Variants in MICU1 observed in about 807,000 individuals in gnomAD.
The protein encoded by MICU1 is calcium uptake protein 1, mitochondrial.
In MICU1, 45 loss-of-function variants were observed where a neutral mutation model predicts 56.8. The ratio of observed to expected loss-of-function variants is 0.79; its 90% CI spans 0.62 to 1.02. MICU1 has a LOEUF of 1.02. MICU1 is among the 50% of genes least tolerant of loss of function. MICU1 has a pLI of 0.00. For missense variants in MICU1, 504 were observed against 587.1 expected (o/e 0.86, Z 1.46); for synonymous variants, 186 against 195.1 (o/e 0.95, Z 0.39).
chr10:72,578,535 G>T (rs1305351578), intron 1 of MICU1, among the ~76,000 whole-genome samples: 18 of 151,722 alleles, frequency 1.2e-4, no homozygotes, highest in African/African-American at 4.4e-4. Flanking sequence ...AAAGTACTGA[G>T]ATTACAGGTG....
At chr10:72,456,242 G>T (rs1026286427) in intron 8 of MICU1, among the ~76,000 whole-genome samples, 20 of 152,198 alleles carry the variant, frequency 1.3e-4, no homozygotes, top group Non-Finnish European at 2.5e-4. Flanking sequence ...CAGCCCTCCT[G>T]AGGCTAATCC....
At position 72,475,240 on chromosome 10, in the gene MICU1, T is replaced by C. The variant is rs776277372; in HGVS notation, c.793A>G (p.Thr265Ala). ...CCAGACTTGAGGGTGTTGCCAGTAG[T>C]TGGACGATCTCTGTGGCGCATACCC... Reference protein sequence around the residue: ...SMGMRHRDRPTTGNTLKSGLC... With the variant: ...SMGMRHRDRPATGNTLKSGLC... Residue 265 changes from threonine to alanine, a missense_variant, in exon 8 of 12, where the codon ACT becomes GCT. Coordinates refer to ENST00000361114, the MANE Select transcript of MICU1 (RefSeq NM_001195518.2). 12 of 1,610,230 alleles carry C rather than the reference T, an allele frequency of 7.5e-6. No individual in the cohort carries two copies. In the Admixed American group the frequency reaches 1.5e-4, roughly 20 times the overall value.
chr10:72,475,824 AAGTAGCAGAATTAGGGT>A (rs1866101326), intron 7 of MICU1: 1 of 456,572 alleles, frequency 2.2e-6, no homozygotes, highest in Non-Finnish European at 4.4e-6. Flanking sequence ...AGTGGCTGGT[AAGTAGCAGAATTAGGGT>A]TCTAACACAG....
chr10:72,378,065 C>T (rs1862582386), intron 10 of MICU1, among the ~76,000 whole-genome samples: 1 of 152,102 alleles, frequency 6.6e-6, no homozygotes, highest in Admixed American at 6.6e-5. Flanking sequence ...GCCTGGCCAA[C>T]ATGGTGAAAC....
chr10:72,590,469 C>T (rs1292748837), intron 1 of MICU1, among the ~76,000 whole-genome samples: 3 of 151,984 alleles, frequency 2.0e-5, no homozygotes, highest in Admixed American at 6.6e-5. Context: ...AGACTGCAAA[C>T]CTTGCTCTCG....
rs1865605428 is a variant in MICU1, at chr10:72,460,363, C to T, written c.933+14737G>A. ...CAGCTCTCTCTCTCTCTCCCACTCTCTCATGCTTAGAAATGACTGAACTAG... is the reference window on the plus strand; with the variant it reads ...CAGCTCTCTCTCTCTCTCCCACTCTTTCATGCTTAGAAATGACTGAACTAG... On this transcript the variant is annotated intron_variant, in intron 8 of 11. Transcript: ENST00000361114. Among the ~76,000 whole-genome samples the T allele has an allele frequency of 2.0e-5, 3 of 152,166 alleles. No homozygotes were observed. The South Asian group carries it at 6.2e-4, about 32-fold the overall frequency.
At chr10:72,369,496 C>T (rs978054365) in intron 11 of MICU1, among the ~76,000 whole-genome samples, 26 of 151,922 alleles carry the variant, frequency 1.7e-4, no homozygotes, top group African/African-American at 4.1e-4. Context: ...GATTGGAAGG[C>T]GGCACACCTG....
chr10:72,398,610 T>C (rs1589170845), intron 10 of MICU1, among the ~76,000 whole-genome samples: 4 of 152,086 alleles, frequency 2.6e-5, no homozygotes, highest in Admixed American at 2.6e-4. Flanking sequence ...ATAACGGGGA[T>C]ATACCACTGA....
chr10:72,535,648 A>G (rs1052186331), intron 4 of MICU1, among the ~76,000 whole-genome samples: 2 of 152,144 alleles, frequency 1.3e-5, no homozygotes, highest in Non-Finnish European at 2.9e-5. Flanking sequence ...TCAGAATACC[A>G]AGGATAAAAA....
At chr10:72,582,038 T>G (rs1385143556) in intron 1 of MICU1, among the ~76,000 whole-genome samples, 2 of 152,180 alleles carry the variant, frequency 1.3e-5, no homozygotes, top group Non-Finnish European at 2.9e-5. Flanking sequence ...CAAGTGATTC[T>G]CCTGCCTCAG....
rs554278616 is a variant in MICU1, at chr10:72,393,637, C to T, written c.1180+14292G>A. On this transcript the variant is annotated intron_variant, in intron 10 of 11. Coordinates refer to ENST00000361114, the MANE Select transcript of MICU1 (RefSeq NM_001195518.2). Reference sequence around the variant, plus strand: ...TGTAAAGCCACAGTCAGTAAAGAGGCGAGGGCTGTGGTAGGAGAGCGAGAA... The same window carrying T: ...TGTAAAGCCACAGTCAGTAAAGAGGTGAGGGCTGTGGTAGGAGAGCGAGAA... 3.3e-5 allele frequency among the ~76,000 whole-genome samples: 5 copies of T among 152,180 alleles called. No homozygotes were observed. In the East Asian group the frequency reaches 7.7e-4, roughly 23 times the overall value.
intron 7 of MICU1, among the ~76,000 whole-genome samples, chr10:72,476,199 C>A (rs1397924354): frequency 7.0e-6 from 1 of 143,578 alleles, no homozygotes; most frequent in African/African-American, 2.7e-5. Flanking sequence ...TATACTCCAA[C>A]CTGGGTGACA....
chr10:72,489,823 A>G (rs918762855), intron 6 of MICU1, among the ~76,000 whole-genome samples: 1 of 152,230 alleles, frequency 6.6e-6, no homozygotes, highest in African/African-American at 2.4e-5. Context: ...TCAACACAAA[A>G]GATATACTTG....
At chr10:72,402,365 A>G (rs965034589) in intron 10 of MICU1, among the ~76,000 whole-genome samples, 8 of 152,228 alleles carry the variant, frequency 5.3e-5, no homozygotes. Context: ...AATCTGTGAT[A>G]CAAAGAACAA....
At chr10:72,487,470 G>A (rs1306346819) in intron 6 of MICU1, among the ~76,000 whole-genome samples, 2 of 152,124 alleles carry the variant, frequency 1.3e-5, no homozygotes, top group African/African-American at 2.4e-5. Flanking sequence ...TTACCAGCGT[G>A]TCCTGACGAC....
At chr10:72,459,323 T>TC (rs1476347747) in intron 8 of MICU1, among the ~76,000 whole-genome samples, 11 of 152,106 alleles carry the variant, frequency 7.2e-5, no homozygotes, top group Non-Finnish European at 2.9e-5. Context: ...AGAGCGAGAC[T>TC]CCATCTCAAA....
intron 1 of MICU1, among the ~76,000 whole-genome samples, chr10:72,570,255 T>C (rs944825503): frequency 2.0e-5 from 3 of 152,190 alleles, no homozygotes; most frequent in Admixed American, 2.0e-4. Context: ...CACTGATTCC[T>C]AATTTAAACT....
chr10:72,408,074 G>A, intron 9 of MICU1, 37 bp from the exon 10 acceptor site: 1 of 1,417,026 alleles, frequency 7.1e-7, no homozygotes, highest in Non-Finnish European at 9.9e-7. Context: ...GGCAGGACCT[G>A]TAACAAAAAG....
intron 3 of MICU1, among the ~76,000 whole-genome samples, chr10:72,552,756 G>A (rs2132447495): frequency 6.6e-6 from 1 of 152,262 alleles, no homozygotes; most frequent in African/African-American, 2.4e-5. Context: ...GTTTCACCAT[G>A]TTAGCCAGGC....
Sources: allele counts gnomAD v4.1 joint callset (sites outside exome capture counted in the v4.1 genomes callset), GRCh38; gene constraint gnomAD v4.1.1; transcripts MANE v1.5; gene names NCBI Gene and HGNC (gene_info 2026-07-23, HGNC 2026-07-21).